Variants in ADARB2 observed in about 807,000 individuals in gnomAD.
ADARB2 encodes the protein inactive double-stranded RNA-specific editase B2.
In ADARB2, 25 loss-of-function variants were observed where a neutral mutation model predicts 62.2. That is an observed-to-expected ratio of 0.40 (90% CI 0.29 to 0.56). ADARB2 has a LOEUF of 0.56. Among genes scored for constraint, ADARB2 ranks in the 20% least tolerant of loss-of-function variants. ADARB2 has a pLI of 0.43. For synonymous variants in ADARB2, 572 were observed against 500.8 expected (o/e 1.14, Z -1.90); for missense variants, 1,071 against 1,077.4 (o/e 0.99, Z 0.08).
intron 1 of ADARB2, among the ~76,000 whole-genome samples, chr10:1,598,565 G>A (rs1123754): frequency 0.39 from 58,584 of 152,056 alleles, 11,365 homozygotes; most frequent in East Asian, 0.52. Flanking sequence ...AACGGGTCGG[G>A]GATGTGGCCC....
chr10:1,255,487 C>T lies in ADARB2; in HGVS notation c.1193-13188G>A, dbSNP rs772370980. On this transcript the variant is annotated intron_variant, in intron 4 of 9. Transcript: ENST00000381312. This position sits in a 1 kb window ranked among gnomAD's most constrained non-coding sequence, Gnocchi z 4.7. ...GAGCCCAGAAACCATGCCAGGCTGA[C>T]GCTGGCTGCTGTCCACCTGTGATGG... 3.9e-5 allele frequency among the ~76,000 whole-genome samples: 6 copies of T among 152,374 alleles called. No homozygotes were observed. The highest frequency in any genetic ancestry group is 1.3e-4 in the Admixed American group (2 of 15,306).
chr10:1,647,054 G>A (rs1338672527), intron 1 of ADARB2, among the ~76,000 whole-genome samples: 2 of 152,216 alleles, frequency 1.3e-5, no homozygotes, highest in African/African-American at 2.4e-5. Flanking sequence ...ACACTCGCAC[G>A]AGTTCCGTCC....
chr10:1,232,827 A>G (rs1286763219), intron 6 of ADARB2, among the ~76,000 whole-genome samples: 2 of 147,552 alleles, frequency 1.4e-5, no homozygotes, highest in Non-Finnish European at 3.0e-5. Flanking sequence ...CATGTGCTAT[A>G]TGTGGTATGT....
intron 1 of ADARB2, among the ~76,000 whole-genome samples, chr10:1,717,141 T>A (rs1255025096): frequency 7.0e-6 from 1 of 143,386 alleles, no homozygotes; most frequent in Non-Finnish European, 1.5e-5. Context: ...TGTCTCTGCT[T>A]GGGTTTGTAG....
chr10:1,334,789 G>T (rs1287182483), intron 3 of ADARB2, among the ~76,000 whole-genome samples: 1 of 152,186 alleles, frequency 6.6e-6, no homozygotes, highest in African/African-American at 2.4e-5. Context: ...CCTGTGTGTA[G>T]CTGGGCCATT....
At chr10:1,349,882 G>A (rs1832118323) in intron 3 of ADARB2, among the ~76,000 whole-genome samples, 1 of 151,970 alleles carries the variant, frequency 6.6e-6, no homozygotes, top group African/African-American at 2.4e-5. Flanking sequence ...ACGTTCCCTT[G>A]GTGGCAGGTC....
At chr10:1,563,095 G>C (rs1832808635) in intron 1 of ADARB2, among the ~76,000 whole-genome samples, 2 of 151,838 alleles carry the variant, frequency 1.3e-5, no homozygotes, top group Admixed American at 1.3e-4. Flanking sequence ...GAGCTGTCCA[G>C]GGTGAGAACG....
intron 1 of ADARB2, among the ~76,000 whole-genome samples, chr10:1,673,283 T>C (rs1253488092): frequency 6.6e-6 from 1 of 151,680 alleles, no homozygotes; most frequent in Non-Finnish European, 1.5e-5. Flanking sequence ...ATATTTCAGA[T>C]GCGTAACAAG....
intron 1 of ADARB2, among the ~76,000 whole-genome samples, chr10:1,565,302 T>G (rs1401631869): frequency 6.6e-6 from 1 of 152,240 alleles, no homozygotes; most frequent in African/African-American, 2.4e-5. Flanking sequence ...TGTTTTAATC[T>G]AATTCCAGGA....
intron 1 of ADARB2, among the ~76,000 whole-genome samples, chr10:1,524,483 C>G (rs908535237): frequency 2.6e-5 from 4 of 152,212 alleles, no homozygotes; most frequent in African/African-American, 9.6e-5. Flanking sequence ...TCCAACCAGA[C>G]TTGGATAATG....
At chr10:1,207,361 ACT>A (rs1491420881) in intron 7 of ADARB2, among the ~76,000 whole-genome samples, 1 of 152,086 alleles carries the variant, frequency 6.6e-6, no homozygotes, top group Non-Finnish European at 1.5e-5. Context: ...GTACAATTTT[ACT>A]CTTTTAAAAG....
In ADARB2 at chr10:1,504,682, G is replaced by A. The variant is rs182673401; in HGVS notation, c.101-125522C>T. Among the ~76,000 whole-genome samples, 109 of 152,304 alleles carry A rather than the reference G, an allele frequency of 7.2e-4. 1 individual carries two copies. Among genetic ancestry groups the A allele is most frequent in the Admixed American group, 2.7e-3 (42 of 15,294 alleles). On this transcript the variant is annotated intron_variant, in intron 1 of 9. Transcript: ENST00000381312. ...GGTGGGGCAGTCCAGGACCGTTTCC[G>A]TGACAAAAGGAGAAAAACAATGACC...
At chr10:1,616,683 T>C (rs1388267126) in intron 1 of ADARB2, among the ~76,000 whole-genome samples, 3 of 147,086 alleles carry the variant, frequency 2.0e-5, no homozygotes, top group Non-Finnish European at 4.5e-5. Context: ...GAGCTCTGCA[T>C]CCTGGGAACT....
chr10:1,258,953 G>C (rs373773519), intron 4 of ADARB2, among the ~76,000 whole-genome samples: 15 of 152,252 alleles, frequency 9.9e-5, no homozygotes, highest in Middle Eastern at 3.4e-3. Context: ...AACTGTCTCT[G>C]AGACCACAGT....
intron 6 of ADARB2, among the ~76,000 whole-genome samples, chr10:1,225,279 C>A (rs1217276734): frequency 6.6e-6 from 1 of 152,106 alleles, no homozygotes; most frequent in Non-Finnish European, 1.5e-5. Context: ...GTAGATCTTC[C>A]TCCATCCCTT....
chr10:1,583,784 T>C (rs1323921776), intron 1 of ADARB2, among the ~76,000 whole-genome samples: 3 of 152,154 alleles, frequency 2.0e-5, no homozygotes, highest in African/African-American at 7.2e-5. Flanking sequence ...AATACAATGC[T>C]GAAGGAGAAG....
intron 1 of ADARB2, among the ~76,000 whole-genome samples, chr10:1,661,163 T>C (rs1293537007): frequency 6.6e-6 from 1 of 152,178 alleles, no homozygotes; most frequent in Non-Finnish European, 1.5e-5. Context: ...TCAGGTTTAT[T>C]TTCCAAAATA....
intron 3 of ADARB2, among the ~76,000 whole-genome samples, chr10:1,344,235 C>A (rs1325543593): frequency 6.6e-6 from 1 of 152,200 alleles, no homozygotes; most frequent in East Asian, 1.9e-4. Flanking sequence ...AACCATCAGA[C>A]CAAGCTACAA....
chr10:1,694,148 T>C (rs755112673), intron 1 of ADARB2, among the ~76,000 whole-genome samples: 4 of 152,266 alleles, frequency 2.6e-5, no homozygotes, highest in Non-Finnish European at 5.9e-5. Flanking sequence ...GAGCAGTTAT[T>C]ATTTTGTTCA....
Sources: gnomAD v4.1 joint callset for allele counts (sites outside exome capture counted in the v4.1 genomes callset) on GRCh38, gnomAD v4.1.1 for gene constraint, Gnocchi (gnomAD v3.1) non-coding constraint, MANE v1.5 for transcripts, NCBI Gene and HGNC (gene_info 2026-07-23, HGNC 2026-07-21) for gene names.